The following AMD1 variants were observed in gnomAD, a reference collection of about 807,000 sequenced individuals.
The protein encoded by AMD1 is S-adenosylmethionine decarboxylase proenzyme.
A neutral mutation model predicts 40.2 loss-of-function variants in AMD1; 11 were observed. The observed-to-expected ratio is 0.27, with a 90% CI of 0.17 to 0.45. AMD1 has a LOEUF of 0.45. Among genes scored for constraint, AMD1 ranks in the 20% least tolerant of loss-of-function variants. AMD1 has a pLI of 1.00. For synonymous variants in AMD1, 121 were observed against 130.8 expected (o/e 0.93, Z 0.51); for missense variants, 257 against 410.2 (o/e 0.63, Z 3.23).
chr6:110,839,533 A>T, the AMD1 span, among the ~76,000 whole-genome samples: 1 of 152,176 alleles, frequency 6.6e-6, no homozygotes, highest in Non-Finnish European at 1.5e-5. Context: ...AGGCAGGAGA[A>T]TCGCTCAATC....
chr6:110,889,306 T>C (rs1391088650), intron 3 of AMD1: 1 of 178,864 alleles, frequency 5.6e-6, no homozygotes, highest in Admixed American at 6.1e-5. Context: ...ATGTCGTTAC[T>C]GAAATTGTCC....
chr6:110,831,692 T>C, the AMD1 span, among the ~76,000 whole-genome samples: 2 of 152,174 alleles, frequency 1.3e-5, no homozygotes, highest in African/African-American at 4.8e-5. Context: ...AATGTTTGCA[T>C]TGGGAACCTT....
the AMD1 span, among the ~76,000 whole-genome samples, chr6:110,855,065 C>CTTTTTT: frequency 6.0e-3 from 482 of 80,452 alleles, 30 homozygotes; most frequent in East Asian, 0.011. Flanking sequence ...CTCTCTCTCT[C>CTTTTTT]TTTTTTTTTT....
chr6:110,840,353 C>G, the AMD1 span, among the ~76,000 whole-genome samples: 2 of 151,758 alleles, frequency 1.3e-5, no homozygotes, highest in East Asian at 3.8e-4. Context: ...ACCACCACCC[C>G]CTTCACAAAC....
chr6:110,834,820 A>C, the AMD1 span, among the ~76,000 whole-genome samples: 2 of 151,552 alleles, frequency 1.3e-5, no homozygotes, highest in East Asian at 4.0e-4. Flanking sequence ...GTGGTGGTGC[A>C]TGCCTGTAAT....
intron 3 of AMD1, 65 bp from the exon 4 acceptor site, chr6:110,890,189 G>T: frequency 8.0e-7 from 1 of 1,251,698 alleles, no homozygotes; most frequent in South Asian, 1.4e-5. Context: ...GATTAGCTTC[G>T]AAAAGTGATA....
At chr6:110,823,321 A>G in the AMD1 span, among the ~76,000 whole-genome samples, 4 of 152,222 alleles carry the variant, frequency 2.6e-5, no homozygotes, top group South Asian at 4.1e-4. Flanking sequence ...GGAACAAGAC[A>G]AGAATGCCCA....
At chr6:110,852,352 G>A in the AMD1 span, among the ~76,000 whole-genome samples, 1 of 151,436 alleles carries the variant, frequency 6.6e-6, no homozygotes. Context: ...CTCCCGAGTA[G>A]CTACAACTAC....
chr6:110,831,743 G>A, the AMD1 span, among the ~76,000 whole-genome samples: 1 of 152,204 alleles, frequency 6.6e-6, no homozygotes, highest in African/African-American at 2.4e-5. Flanking sequence ...TTTTCAGCTT[G>A]ATGCTAAATG....
At chr6:110,827,421 G>A in the AMD1 span, among the ~76,000 whole-genome samples, 319 of 152,038 alleles carry the variant, frequency 2.1e-3, 2 homozygotes, top group African/African-American at 7.4e-3. Context: ...AAGTTTACAG[G>A]CATGAGCCAC....
At chr6:110,891,775 C>T (rs1786030550) in intron 4 of AMD1, 1 of 192,872 alleles carries the variant, frequency 5.2e-6, no homozygotes, top group Non-Finnish European at 1.1e-5. Flanking sequence ...TGGCGTCTCG[C>T]TTTGTCACCC....
chr6:110,887,752 G>C (rs1785774814), intron 2 of AMD1, among the ~76,000 whole-genome samples, 161 bp downstream of exon 2: 1 of 151,904 alleles, frequency 6.6e-6, no homozygotes, highest in Admixed American at 6.6e-5. Context: ...ATGGCGCCAT[G>C]TCAGCTCACT....
rs765782344 is a variant in AMD1 at position 110,892,853 on chromosome 6, A to G, written c.708+26A>G. 4.3e-6 allele frequency: 7 copies of G among 1,613,586 alleles called. No individual in the cohort carries two copies. The South Asian group carries it at 7.7e-5, about 18-fold the overall frequency. On this transcript the variant is annotated intron_variant, in intron 7 of 8. Transcript: ENST00000368885. ...GTGAGTAGTTATATATTGCTTCAAT[A>G]ATTATTTAAATGTGAATAGTCTTTC...
At chr6:110,856,764 G>A in the AMD1 span, among the ~76,000 whole-genome samples, 2 of 152,172 alleles carry the variant, frequency 1.3e-5, no homozygotes, top group Non-Finnish European at 2.9e-5. Context: ...TCAAGTTGGA[G>A]GTTCAGGCTC....
the AMD1 span, among the ~76,000 whole-genome samples, chr6:110,822,184 C>A: frequency 6.6e-6 from 1 of 151,466 alleles, no homozygotes; most frequent in Non-Finnish European, 1.5e-5. Flanking sequence ...GTAGCCTGGG[C>A]AGAAAGGGAA....
chr6:110,870,312 A>G (rs992265631), upstream of AMD1, among the ~76,000 whole-genome samples: 1 of 152,176 alleles, frequency 6.6e-6, no homozygotes, highest in African/African-American at 2.4e-5. Flanking sequence ...CAGTTCCAGC[A>G]CACTACTTGG....
the AMD1 span, among the ~76,000 whole-genome samples, chr6:110,818,922 C>G: frequency 6.6e-6 from 1 of 152,190 alleles, no homozygotes; most frequent in Admixed American, 6.5e-5. Context: ...ATTCTGTAGG[C>G]AATAGGAAGC....
intron 4 of AMD1, chr6:110,891,518 G>A (rs923971894): frequency 6.5e-6 from 1 of 153,030 alleles, no homozygotes; most frequent in Non-Finnish European, 1.5e-5. Context: ...GGGAACAAAG[G>A]TTATCTGATA....
At chr6:110,837,105 T>C in the AMD1 span, among the ~76,000 whole-genome samples, 1 of 142,794 alleles carries the variant, frequency 7.0e-6, no homozygotes, top group East Asian at 2.1e-4. Context: ...TGCAGTGAGC[T>C]GTGATACCAC....
Sources: gnomAD v4.1 joint callset for allele counts (sites outside exome capture counted in the v4.1 genomes callset) on GRCh38, gnomAD v4.1.1 for gene constraint, MANE v1.5 for transcripts, NCBI Gene and HGNC (gene_info 2026-07-23, HGNC 2026-07-21) for gene names.